Variants in IQGAP1 observed in about 807,000 individuals in gnomAD.
IQGAP1 encodes ras GTPase-activating-like protein IQGAP1.
Under a neutral mutation model 215.6 loss-of-function variants are expected in IQGAP1, and 66 were observed. The ratio of observed to expected loss-of-function variants is 0.31; its 90% CI spans 0.25 to 0.38. The LOEUF is 0.38. Ranked by LOEUF, IQGAP1 falls within the 10% of genes least tolerant of loss-of-function variation. The pLI is 1.00. For missense variants in IQGAP1, 1,712 were observed against 1,997.1 expected (o/e 0.86, Z 2.72); for synonymous variants, 772 against 728.7 (o/e 1.06, Z -0.96).
chr15:90,414,232 G>A (rs530527325), intron 2 of IQGAP1, among the ~76,000 whole-genome samples: 23 of 152,088 alleles, frequency 1.5e-4, no homozygotes, highest in Non-Finnish European at 2.5e-4. Flanking sequence ...AGAAGGGGGC[G>A]GGGAGGGAGT....
intron 3 of IQGAP1, among the ~76,000 whole-genome samples, chr15:90,426,623 G>C (rs1041320267): frequency 1.3e-5 from 2 of 151,908 alleles, no homozygotes; most frequent in African/African-American, 2.4e-5. Flanking sequence ...TAATTCTTTA[G>C]AAGGTAGAAG....
intron 2 of IQGAP1, among the ~76,000 whole-genome samples, chr15:90,401,441 C>A (rs970455153): frequency 3.9e-5 from 6 of 152,114 alleles, no homozygotes; most frequent in African/African-American, 1.4e-4. Context: ...CCAAAATAAT[C>A]CCCCAAAACA....
intron 6 of IQGAP1, among the ~76,000 whole-genome samples, chr15:90,439,915 T>G (rs1013455048): frequency 1.3e-5 from 2 of 152,170 alleles, no homozygotes; most frequent in African/African-American, 2.4e-5. Flanking sequence ...AAAAGGGCAG[T>G]GGTAATACTG....
At chr15:90,491,947 A>C (rs1189629386) in intron 34 of IQGAP1, among the ~76,000 whole-genome samples, 1 of 152,206 alleles carries the variant, frequency 6.6e-6, no homozygotes, top group Non-Finnish European at 1.5e-5. Flanking sequence ...GCACTAAGAT[A>C]ATATTATGCA....
chr15:90,422,603 C>T (rs1965154425), intron 2 of IQGAP1, among the ~76,000 whole-genome samples: 1 of 130,348 alleles, frequency 7.7e-6, no homozygotes, highest in East Asian at 2.7e-4. Flanking sequence ...TAATAATTGT[C>T]TCATTCATAT....
chr15:90,408,225 A>G lies in IQGAP1; in HGVS notation c.155+17352A>G, dbSNP rs368541710. Among the ~76,000 whole-genome samples the G allele has an allele frequency of 5.3e-5, 8 of 152,300 alleles. No homozygotes were observed. The East Asian group carries it at 1.2e-3, about 22-fold the overall frequency. Reference sequence around the variant, plus strand: ...GTGCTTGGGGATATTGTTAAGTTGAATGAGTACAGAGTTGTGTGGTATGTG... The same window carrying G: ...GTGCTTGGGGATATTGTTAAGTTGAGTGAGTACAGAGTTGTGTGGTATGTG... On this transcript the variant is annotated intron_variant, in intron 2 of 37. Coordinates refer to ENST00000268182, the MANE Select transcript of IQGAP1 (RefSeq NM_003870.4).
At chr15:90,439,458 C>A in intron 6 of IQGAP1, 59 bp downstream of exon 6, 1 of 1,376,668 alleles carries the variant, frequency 7.3e-7, no homozygotes, top group Non-Finnish European at 1.0e-6. Context: ...GCCTGGAGAG[C>A]CAGCAGTACC....
intron 2 of IQGAP1, among the ~76,000 whole-genome samples, chr15:90,399,031 T>C (rs1229876254): frequency 7.4e-6 from 1 of 135,578 alleles, no homozygotes; most frequent in Non-Finnish European, 1.6e-5. Flanking sequence ...AAAAAGTGAA[T>C]ATAGGAAATC....
intron 1 of IQGAP1, among the ~76,000 whole-genome samples, chr15:90,388,654 G>A (rs750563642): frequency 6.6e-6 from 1 of 152,138 alleles, no homozygotes; most frequent in Non-Finnish European, 1.5e-5. Flanking sequence ...GCCCCACCCA[G>A]CGCCTCTCGC....
intron 13 of IQGAP1, among the ~76,000 whole-genome samples, chr15:90,453,517 T>C (rs965421928): frequency 2.0e-5 from 3 of 152,254 alleles, no homozygotes; most frequent in African/African-American, 7.2e-5. Context: ...AAAATAACAC[T>C]ATCTCTGACA....
In IQGAP1 at chr15:90,461,026, G is replaced by A. The variant is rs62020735; in HGVS notation, c.1776+4711G>A. Among the ~76,000 whole-genome samples, 15 of 147,338 alleles carry A rather than the reference G, an allele frequency of 1.0e-4. No individual in the cohort carries two copies. The East Asian group carries it at 3.0e-3, about 29-fold the overall frequency. On this transcript the variant is annotated intron_variant, in intron 15 of 37. Coordinates refer to ENST00000268182, the MANE Select transcript of IQGAP1 (RefSeq NM_003870.4). The stretch of plus-strand genomic sequence containing the variant: ...AAAAAAAAAAAAAAAAAAAAAAAGG[G>A]CTGGGCGCAGTGCCTCATCCCTGTA...
chr15:90,420,391 G>T (rs1264051885), intron 2 of IQGAP1, among the ~76,000 whole-genome samples: 1 of 152,104 alleles, frequency 6.6e-6, no homozygotes, highest in East Asian at 1.9e-4. Flanking sequence ...ACGTTCTCTT[G>T]CTCCAGGAGG....
chr15:90,389,702 C>A (rs1964607043), intron 1 of IQGAP1, among the ~76,000 whole-genome samples: 1 of 151,628 alleles, frequency 6.6e-6, no homozygotes, highest in South Asian at 2.1e-4. Context: ...TGCGTGTAAT[C>A]CCAGCACTTT....
chr15:90,428,929 C>T (rs1006125648), intron 3 of IQGAP1, among the ~76,000 whole-genome samples: 7 of 152,192 alleles, frequency 4.6e-5, no homozygotes, highest in African/African-American at 1.4e-4. Context: ...TTGGCTCTCA[C>T]TGCAACCTCT....
chr15:90,425,561 C>G lies in IQGAP1; in HGVS notation c.156-549C>G, dbSNP rs539392764. ...CAACCTCCTCCCTGCCTCCAAAAATCTGAGAATTCATTATTTACTGCTTCC... is the reference window on the plus strand; with the variant it reads ...CAACCTCCTCCCTGCCTCCAAAAATGTGAGAATTCATTATTTACTGCTTCC... On this transcript the variant is annotated intron_variant, in intron 2 of 37. Coordinates refer to ENST00000268182, the MANE Select transcript of IQGAP1 (RefSeq NM_003870.4). Among the ~76,000 whole-genome samples the G allele has an allele frequency of 8.5e-5, 13 of 152,182 alleles. No individual in the cohort carries two copies. The South Asian group carries it at 2.7e-3, about 32-fold the overall frequency.
intron 17 of IQGAP1, among the ~76,000 whole-genome samples, chr15:90,466,711 TTAAGCCTA>T (rs1444778449): frequency 6.6e-6 from 1 of 151,916 alleles, no homozygotes; most frequent in East Asian, 1.9e-4. Context: ...GTAGCTCTGA[TTAAGCCTA>T]TAGGCAATTA....
At chr15:90,473,485 TA>T in intron 19 of IQGAP1, 1 of 518,852 alleles carries the variant, frequency 1.9e-6, no homozygotes, top group Non-Finnish European at 3.5e-6. Flanking sequence ...GGCTGCACTG[TA>T]AAAGGTGTGC....
chr15:90,481,982 C>A lies in IQGAP1; in HGVS notation c.3352C>A (p.Pro1118Thr), dbSNP rs1395084363. Residue 1118 changes from proline to threonine, a missense_variant, in exon 27 of 38, where the codon CCT (proline) becomes ACT (threonine). By Grantham distance (38) the Pro-to-Thr change is conservative. Around this residue, in one of 2 missense-constraint regions of IQGAP1, gnomAD observed 691 missense variants for 923.0 expected, o/e 0.75. Coordinates refer to ENST00000268182, the MANE Select transcript of IQGAP1 (RefSeq NM_003870.4). ...CAGCAAACTGCCCTATGATGTGACC[C>A]CTGAGCAGGCGCTAGCTCATGAAGA... The part of the protein sequence containing the change: ...EASKLPYDVT[P>T]EQALAHEEVK... The A allele has an allele frequency of 1.2e-6, 2 of 1,614,080 alleles. No homozygotes were observed. The highest frequency in any genetic ancestry group is 1.7e-6 in the Non-Finnish European group (2 of 1,180,058).
At chr15:90,499,488 T>C (rs913538296) in intron 37 of IQGAP1, among the ~76,000 whole-genome samples, 33 of 152,220 alleles carry the variant, frequency 2.2e-4, no homozygotes, top group Non-Finnish European at 1.9e-4. Flanking sequence ...TGTTCTCATA[T>C]GGAATAGAAA....
Sources: gnomAD v4.1 joint callset for allele counts (sites outside exome capture counted in the v4.1 genomes callset) on GRCh38, gnomAD v4.1.1 for gene constraint, gnomAD v4.1.1 regional missense constraint, MANE v1.5 for transcripts, NCBI Gene and HGNC (gene_info 2026-07-23, HGNC 2026-07-21) for gene names.